The following DOCK1 variants were observed in gnomAD, a reference collection of about 807,000 sequenced individuals.
DOCK1 encodes the protein dedicator of cytokinesis 1, also known as dedicator of cytokinesis protein 1.
Under a neutral mutation model 262.7 loss-of-function variants are expected in DOCK1, and 138 were observed. The observed-to-expected ratio is 0.53, with a 90% CI of 0.46 to 0.61. The LOEUF (loss-of-function observed/expected upper bound fraction) is 0.61, where lower values mean the gene tolerates loss of function less well. DOCK1 is among the 20% of genes least tolerant of loss of function. The pLI is 0.00. For missense variants in DOCK1, 1,908 were observed against 2,370.7 expected (o/e 0.80, Z 4.05); for synonymous variants, 866 against 867.4 (o/e 1.00, Z 0.03).
At chr10:127,349,505 T>A (rs2063787311) in intron 31 of DOCK1, among the ~76,000 whole-genome samples, 1 of 152,086 alleles carries the variant, frequency 6.6e-6, no homozygotes, top group African/African-American at 2.4e-5. Flanking sequence ...GCCTTCACAC[T>A]CTATTCTCTT....
intron 40 of DOCK1, among the ~76,000 whole-genome samples, chr10:127,405,066 G>A (rs1407915491): frequency 3.3e-5 from 5 of 152,340 alleles, no homozygotes; most frequent in Admixed American, 2.6e-4. Context: ...ATTGCATGGA[G>A]AGGCCACATT....
At chr10:127,080,839 A>C (rs903324595) in intron 23 of DOCK1, among the ~76,000 whole-genome samples, 1 of 152,284 alleles carries the variant, frequency 6.6e-6, no homozygotes, top group Admixed American at 6.5e-5. Context: ...GCGAGGGCCG[A>C]GTTAGCCACC....
At chr10:126,926,243 TTTTC>T (rs889063261) in intron 1 of DOCK1, among the ~76,000 whole-genome samples, 28 of 151,598 alleles carry the variant, frequency 1.8e-4, no homozygotes, top group Admixed American at 7.2e-4. Context: ...TTCTGTTTTC[TTTTC>T]TTTCTTTCTT....
At chr10:127,252,736 A>G (rs1225790099) in intron 28 of DOCK1, among the ~76,000 whole-genome samples, 1 of 150,870 alleles carries the variant, frequency 6.6e-6, no homozygotes, top group Non-Finnish European at 1.5e-5. Context: ...GTTCTGTTCC[A>G]TTGATCTATA....
intron 27 of DOCK1, chr10:127,146,250 T>C (rs887803457): frequency 9.0e-6 from 2 of 223,284 alleles, no homozygotes; most frequent in African/African-American, 4.7e-5. Flanking sequence ...CTTTCTCTGC[T>C]AATAAATTTT....
At chr10:126,958,009 C>A (rs1227688222) in intron 1 of DOCK1, among the ~76,000 whole-genome samples, 1 of 152,102 alleles carries the variant, frequency 6.6e-6, no homozygotes, top group Non-Finnish European at 1.5e-5. Context: ...AAGCATTGAC[C>A]GTTATTTATG....
Position 126,987,498 on chromosome 10 carries a change from GCTCTTT to G in DOCK1, c.228-21_228-16del. On this transcript the variant is annotated splice_polypyrimidine_tract_variant and intron_variant, in intron 4 of 51. Transcript: ENST00000623213. Reference sequence around the variant, plus strand: ...AGGCAGTGAAACCGTGGACTCAGCTGCTCTTTCCTTCTTTCCTCCCAGGCAACATGA... The same window carrying G: ...AGGCAGTGAAACCGTGGACTCAGCTGCCTTCTTTCCTCCCAGGCAACATGA... The G allele has an allele frequency of 6.4e-7, 1 of 1,559,290 alleles. No individual in the cohort carries two copies. Among genetic ancestry groups the G allele is most frequent in the South Asian group, 1.2e-5 (1 of 84,314 alleles).
At chr10:127,361,321 A>G (rs569404207) in intron 32 of DOCK1, among the ~76,000 whole-genome samples, 107 of 152,086 alleles carry the variant, frequency 7.0e-4, no homozygotes, top group South Asian at 3.3e-3. Flanking sequence ...TCACCGTGTT[A>G]GCCAGGATGG....
intron 42 of DOCK1, among the ~76,000 whole-genome samples, chr10:127,410,158 C>T (rs931866496): frequency 1.3e-5 from 2 of 152,230 alleles, no homozygotes; most frequent in African/African-American, 4.8e-5. Flanking sequence ...TTTGACCTTG[C>T]ATCAGCAATA....
At chr10:126,997,689 T>TG (rs2135114150) in intron 7 of DOCK1, 1 of 215,542 alleles carries the variant, frequency 4.6e-6, no homozygotes, top group African/African-American at 2.3e-5. Flanking sequence ...TTGAATCATC[T>TG]GTTAATTCAA....
chr10:127,079,402 A>G (rs746184036), intron 23 of DOCK1, among the ~76,000 whole-genome samples: 58 of 152,314 alleles, frequency 3.8e-4, no homozygotes, highest in Non-Finnish European at 6.9e-4. Context: ...TCTCCAAACA[A>G]AGTGGTTACC....
chr10:127,212,392 G>A (rs2134343761), intron 27 of DOCK1, among the ~76,000 whole-genome samples: 1 of 152,290 alleles, frequency 6.6e-6, no homozygotes, highest in African/African-American at 2.4e-5. Flanking sequence ...TATGCTTGAA[G>A]GAATATGCAA....
At position 127,101,610 on chromosome 10, in the gene DOCK1, G is replaced by A. The variant is rs572232916; in HGVS notation, c.2446-4621G>A. On this transcript the variant is annotated intron_variant, in intron 23 of 51. Transcript: ENST00000623213. ...ATGACATTTTTGATGCTAGGAGCTC[G>A]GGAAGACCACGGCAGGGAAGACTTT... Among the ~76,000 whole-genome samples the A allele has an allele frequency of 1.2e-4, 18 of 152,296 alleles. No homozygotes were observed. In the South Asian group the frequency reaches 2.3e-3, roughly 19 times the overall value.
In DOCK1 at chr10:127,205,785, G is replaced by T. The variant is rs186420014; in HGVS notation, c.2848-42223G>T. 1.0e-3 allele frequency among the ~76,000 whole-genome samples: 152 copies of T among 152,292 alleles called. 1 individual carries two copies. Among genetic ancestry groups the T allele is most frequent in the African/African-American group, 3.4e-3 (140 of 41,564 alleles). On this transcript the variant is annotated intron_variant, in intron 27 of 51. Coordinates refer to ENST00000623213, the MANE Select transcript of DOCK1 (RefSeq NM_001290223.2). ...TGAAATTTAAATAAGCTCCGTTAAA[G>T]CAGAAATGTCTATATACCATGTAAG...
chr10:127,165,600 C>A (rs1256540606), intron 27 of DOCK1, among the ~76,000 whole-genome samples: 1 of 152,150 alleles, frequency 6.6e-6, no homozygotes, highest in East Asian at 1.9e-4. Flanking sequence ...GCATTGCAAA[C>A]AATGCAGTAT....
chr10:127,383,872 G>A (rs1191094484), intron 37 of DOCK1, among the ~76,000 whole-genome samples: 1 of 152,184 alleles, frequency 6.6e-6, no homozygotes, highest in African/African-American at 2.4e-5. Flanking sequence ...GCCCGTAGGT[G>A]CCCATGGAGT....
At chr10:127,439,296 A>C in intron 49 of DOCK1, 71 bp downstream of exon 49, 2 of 1,475,434 alleles carry the variant, frequency 1.4e-6, no homozygotes, top group East Asian at 4.9e-5. Context: ...ACCTGTAGCC[A>C]ACAGGGCTGA....
intron 28 of DOCK1, among the ~76,000 whole-genome samples, chr10:127,251,551 A>G (rs2134851230): frequency 9.3e-6 from 1 of 107,226 alleles, no homozygotes; most frequent in African/African-American, 3.7e-5. Context: ...CCCACAAGAG[A>G]CCCCAGAGTG....
intron 21 of DOCK1, among the ~76,000 whole-genome samples, chr10:127,047,545 G>T (rs1274986567): frequency 6.6e-6 from 1 of 152,102 alleles, no homozygotes; most frequent in Non-Finnish European, 1.5e-5. Context: ...GTTATAATTT[G>T]CATACAACAA....
Sources: gnomAD v4.1 joint callset for allele counts (sites outside exome capture counted in the v4.1 genomes callset) on GRCh38, gnomAD v4.1.1 for gene constraint, MANE v1.5 for transcripts, NCBI Gene and HGNC (gene_info 2026-07-23, HGNC 2026-07-21) for gene names.